Variants in DCC observed in about 807,000 individuals in gnomAD.
DCC encodes the protein DCC netrin 1 receptor.
DCC carries 58 observed loss-of-function variants against 172.5 expected under a neutral mutation model. That is an observed-to-expected ratio of 0.34 (90% CI 0.27 to 0.42). The LOEUF (loss-of-function observed/expected upper bound fraction) is 0.42, where lower values mean the gene tolerates loss of function less well. Ranked by LOEUF, DCC falls within the 10% of genes least tolerant of loss-of-function variation. The probability of loss-of-function intolerance (pLI) is 1.00; values close to 1 mark genes in which losing one functional copy is unlikely to be tolerated. For synonymous variants in DCC, 709 were observed against 644.5 expected, an observed-to-expected ratio of 1.10 and a Z score of -1.52; for missense variants, 1,740 against 1,791.0, an observed-to-expected ratio of 0.97 and a Z score of 0.51.
intron 12 of DCC, among the ~76,000 whole-genome samples, chr18:53,260,483 G>A (rs1310769234): frequency 1.3e-5 from 2 of 152,088 alleles, no homozygotes; most frequent in Non-Finnish European, 2.9e-5. Context: ...GACACTTTTT[G>A]CCTGGGTATC....
In DCC at chr18:52,927,126, C is replaced by CGTATATACGTGTATATAT. The variant is rs1568192102; in HGVS notation, c.985+1756_985+1757insGTATATACGTGTATATAT. On this transcript the variant is annotated intron_variant, in intron 5 of 28. Coordinates refer to ENST00000442544, the MANE Select transcript of DCC (RefSeq NM_005215.4). ...ATATACACGTATATACGTGTATATA[C>CGTATATACGTGTATATAT]ACGTATATACGTGTATATATGTGTA... is the stretch of plus-strand genomic sequence containing the variant. 1.4e-4 allele frequency among the ~76,000 whole-genome samples: 11 copies of CGTATATACGTGTATATAT among 76,556 alleles called. 1 individual carries two copies. Among genetic ancestry groups the CGTATATACGTGTATATAT allele is most frequent in the Admixed American group, 1.1e-3 (10 of 9,154 alleles). 50.2% of individuals were successfully genotyped at this position (76,556 alleles called of 152,430 possible). A position where few individuals can be genotyped will look rare whatever the true frequency, so the allele number is the denominator to read the frequency against.
chr18:53,005,090 G>A (rs2041624279), intron 5 of DCC, among the ~76,000 whole-genome samples: 3 of 152,116 alleles, frequency 2.0e-5, no homozygotes, highest in African/African-American at 4.8e-5. Context: ...GACATAGCAT[G>A]AAAGCCCTAG....
chr18:52,987,821 T>C (rs2041319568), intron 5 of DCC, among the ~76,000 whole-genome samples: 2 of 152,208 alleles, frequency 1.3e-5, no homozygotes, highest in African/African-American at 4.8e-5. Context: ...GTGTTTCAAC[T>C]CACATAACAC....
chr18:53,287,462 T>G (rs1159945045), intron 12 of DCC, among the ~76,000 whole-genome samples: 2 of 152,236 alleles, frequency 1.3e-5, no homozygotes, highest in African/African-American at 4.8e-5. Context: ...TAAATAAGTT[T>G]ATATGTAGAT....
chr18:53,076,634 C>T (rs1462482622), intron 7 of DCC, among the ~76,000 whole-genome samples: 1 of 145,674 alleles, frequency 6.9e-6, no homozygotes, highest in East Asian at 2.3e-4. Flanking sequence ...GTCTCAAATA[C>T]TTTGTGAGTC....
intron 15 of DCC, among the ~76,000 whole-genome samples, chr18:53,381,872 C>T (rs1480660991): frequency 6.6e-6 from 1 of 151,876 alleles, no homozygotes; most frequent in Non-Finnish European, 1.5e-5. Context: ...GATAATTTCT[C>T]ATAAAAATCT....
At chr18:53,081,325 C>T (rs1039624551) in intron 7 of DCC, among the ~76,000 whole-genome samples, 15 of 151,964 alleles carry the variant, frequency 9.9e-5, no homozygotes, top group Non-Finnish European at 1.9e-4. Context: ...TGGCCTACTT[C>T]TATGTGCACT....
intron 2 of DCC, among the ~76,000 whole-genome samples, chr18:52,899,510 C>G (rs780470317): frequency 6.6e-6 from 1 of 151,884 alleles, no homozygotes; most frequent in Non-Finnish European, 1.5e-5. Context: ...TGTACCACCA[C>G]GCCCATCTAA....
At chr18:53,314,404 C>T (rs1328744931) in intron 13 of DCC, among the ~76,000 whole-genome samples, 1 of 152,202 alleles carries the variant, frequency 6.6e-6, no homozygotes, top group East Asian at 1.9e-4. Context: ...TTTTATCCCA[C>T]TAGGATAAAA....
At chr18:52,873,256 T>A (rs1381167127) in intron 2 of DCC, among the ~76,000 whole-genome samples, 2 of 152,246 alleles carry the variant, frequency 1.3e-5, no homozygotes, top group Middle Eastern at 3.4e-3. Context: ...GCTTTCTACC[T>A]CCCAGTAAAC....
At chr18:52,786,090 G>T (rs1408614112) in intron 2 of DCC, among the ~76,000 whole-genome samples, 1 of 152,042 alleles carries the variant, frequency 6.6e-6, no homozygotes, top group African/African-American at 2.4e-5. Context: ...TTGCAAGTGT[G>T]GTGTAGTAGG....
At chr18:52,454,732 A>T (rs1480685591) in intron 1 of DCC, among the ~76,000 whole-genome samples, 2 of 152,196 alleles carry the variant, frequency 1.3e-5, no homozygotes, top group African/African-American at 4.8e-5. Context: ...GGAAGCATTA[A>T]CAAACATTTA....
At chr18:52,681,905 A>C (rs941293742) in intron 1 of DCC, among the ~76,000 whole-genome samples, 9 of 152,116 alleles carry the variant, frequency 5.9e-5, no homozygotes, top group Non-Finnish European at 1.3e-4. Flanking sequence ...TTCTAAAAAA[A>C]ATGCTGCAAT....
At position 52,911,332 on chromosome 18, in the gene DCC, A is replaced by G. The variant is rs975217171; in HGVS notation, c.697+5004A>G. ...GTTGGGAAATTTGGAAGGTTTGCAT[A>G]GATTATTACTTTTATAGGTCATAAG... is the stretch of plus-strand genomic sequence containing the variant. On this transcript the variant is annotated intron_variant, in intron 3 of 28. Coordinates refer to ENST00000442544, the MANE Select transcript of DCC (RefSeq NM_005215.4). Among the ~76,000 whole-genome samples, 2 of 152,066 alleles carry G rather than the reference A, an allele frequency of 1.3e-5. 1 individual carries two copies. The highest frequency in any genetic ancestry group is 2.9e-5 in the Non-Finnish European group (2 of 67,946).
chr18:52,724,354 G>A (rs75624963), intron 1 of DCC, among the ~76,000 whole-genome samples: 1 of 151,756 alleles, frequency 6.6e-6, no homozygotes, highest in African/African-American at 2.4e-5. Context: ...TTACTATGTT[G>A]CCCGGGCTGG....
intron 1 of DCC, among the ~76,000 whole-genome samples, chr18:52,543,860 C>G (rs2032535466): frequency 6.6e-6 from 1 of 152,196 alleles, no homozygotes; most frequent in African/African-American, 2.4e-5. Context: ...TACCTGTGTC[C>G]TATCAGAACC....
chr18:52,917,559 T>G (rs1393387092), intron 3 of DCC, among the ~76,000 whole-genome samples: 1 of 152,160 alleles, frequency 6.6e-6, no homozygotes, highest in Admixed American at 6.5e-5. Flanking sequence ...GGTAACAGAT[T>G]AAGCTAAAGT....
chr18:52,813,725 G>A (rs1031772987), intron 2 of DCC, among the ~76,000 whole-genome samples: 3 of 152,158 alleles, frequency 2.0e-5, no homozygotes, highest in African/African-American at 7.2e-5. Flanking sequence ...CATCCCTAGT[G>A]TGGGTGGGCT....
intron 1 of DCC, among the ~76,000 whole-genome samples, chr18:52,540,886 A>G (rs898052004): frequency 2.0e-4 from 30 of 152,192 alleles, no homozygotes; most frequent in South Asian, 4.2e-4. Flanking sequence ...GATTGCAGGC[A>G]TGAGCCACCG....
Sources: allele counts gnomAD v4.1 joint callset (sites outside exome capture counted in the v4.1 genomes callset), GRCh38; gene constraint gnomAD v4.1.1; transcripts MANE v1.5; gene names NCBI Gene and HGNC (gene_info 2026-07-23, HGNC 2026-07-21).